The following ATAD5 variants were observed in gnomAD, a reference collection of about 807,000 sequenced individuals.
ATAD5 encodes ATPase family AAA domain containing 5.
A neutral mutation model predicts 176.9 loss-of-function variants in ATAD5; 58 were observed. The observed-to-expected ratio is 0.33, with a 90% confidence interval of 0.27 to 0.41. ATAD5 has a LOEUF of 0.41. Among genes scored for constraint, ATAD5 ranks in the 10% least tolerant of loss-of-function variants. ATAD5 has a pLI of 1.00. For missense variants in ATAD5, 1,789 were observed against 2,094.1 expected, an observed-to-expected ratio of 0.85 and a Z score of 2.84; for synonymous variants, 640 against 712.6, an observed-to-expected ratio of 0.90 and a Z score of 1.62.
chr17:30,889,193 C>A (rs550968594), intron 19 of ATAD5, among the ~76,000 whole-genome samples: 3 of 136,400 alleles, frequency 2.2e-5, no homozygotes, highest in Non-Finnish European at 4.6e-5. Context: ...GAGGTAGGGT[C>A]TCGCTATATT....
intron 2 of ATAD5, among the ~76,000 whole-genome samples, chr17:30,836,488 A>C (rs1905753249): frequency 6.6e-6 from 1 of 151,934 alleles, no homozygotes; most frequent in African/African-American, 2.4e-5. Flanking sequence ...TGGAAGAAAA[A>C]GAACAGAGCT....
At chr17:30,885,623 C>CTTTTTTTTTTTTTTT (rs778733612) in intron 18 of ATAD5, among the ~76,000 whole-genome samples, 2 of 93,812 alleles carry the variant, frequency 2.1e-5, no homozygotes, top group Admixed American at 1.4e-4. Flanking sequence ...TTCCAACTTT[C>CTTTTTTTTTTTTTTT]TTTTTTTTTT....
chr17:30,836,335 C>T (rs962678457), intron 2 of ATAD5, among the ~76,000 whole-genome samples: 1 of 151,852 alleles, frequency 6.6e-6, no homozygotes, highest in South Asian at 2.1e-4. Flanking sequence ...CCCGCCACCA[C>T]GCCCAGCTAA....
At chr17:30,838,777 C>T (rs1402226561) in intron 3 of ATAD5, among the ~76,000 whole-genome samples, 1 of 152,098 alleles carries the variant, frequency 6.6e-6, no homozygotes, top group African/African-American at 2.4e-5. Flanking sequence ...GTAAATTTTC[C>T]AGCAAGAGAA....
chr17:30,876,073 C>A (rs1254762086), intron 14 of ATAD5, among the ~76,000 whole-genome samples: 1 of 148,424 alleles, frequency 6.7e-6, no homozygotes, highest in Non-Finnish European at 1.5e-5. Context: ...GGAGGTGGAG[C>A]TTGTAGTGAG....
At chr17:30,882,030 TG>T (rs1411513921) in intron 18 of ATAD5, among the ~76,000 whole-genome samples, 1 of 151,798 alleles carries the variant, frequency 6.6e-6, no homozygotes, top group African/African-American at 2.4e-5. Context: ...GAGGCTGAGG[TG>T]GGCGGATCAC....
Position 30,858,217 on chromosome 17 carries a change from A to T in ATAD5, c.2850A>T (p.Glu950Asp), listed in dbSNP as rs1488275129. The stretch of plus-strand genomic sequence containing the variant: ...AAGTAAGAAATCTTTTGCTTGAGGA[A>T]ATTAGGTGGTCAAATCCTGAATTTT... ...TEEVRNLLLE[E>D]IRWSNPEFSL... The change falls in exon 9 of 23, where the codon GAA becomes GAT. Residue 950 changes from glutamate to aspartate, a missense_variant. Physicochemically the swap from Glu to Asp is conservative, Grantham distance 45. Coordinates refer to ENST00000321990, the MANE Select transcript of ATAD5 (RefSeq NM_024857.5). 1.9e-6 allele frequency: 3 copies of T among 1,595,220 alleles called. No individual in the cohort carries two copies. In the South Asian group the frequency reaches 3.5e-5, roughly 18 times the overall value.
At chr17:30,872,672 C>T (rs1299444027) in intron 14 of ATAD5, among the ~76,000 whole-genome samples, 1 of 151,826 alleles carries the variant, frequency 6.6e-6, no homozygotes, top group African/African-American at 2.4e-5. Flanking sequence ...CTTCCTGCCT[C>T]AGCCTCTTAA....
chr17:30,853,042 A>G (rs1208161947), intron 6 of ATAD5, among the ~76,000 whole-genome samples: 1 of 151,902 alleles, frequency 6.6e-6, no homozygotes, highest in African/African-American at 2.4e-5. Context: ...GGCGCCTGCC[A>G]CCACAGCCAG....
chr17:30,876,160 A>T (rs1450474269), intron 14 of ATAD5, among the ~76,000 whole-genome samples: 1 of 152,050 alleles, frequency 6.6e-6, no homozygotes, highest in Non-Finnish European at 1.5e-5. Flanking sequence ...AAAATAAAAT[A>T]AAATAAATAA....
intron 19 of ATAD5, among the ~76,000 whole-genome samples, chr17:30,889,867 TTTTTC>T (rs950963433): frequency 4.0e-5 from 6 of 150,774 alleles, no homozygotes; most frequent in Non-Finnish European, 7.4e-5. Flanking sequence ...TTCTTTTTCT[TTTTTC>T]TTTTCTTTTC....
At position 30,832,355 on chromosome 17, in the gene ATAD5, G is replaced by C. The variant is rs768732266; in HGVS notation, c.8G>C (p.Gly3Ala). The C allele has an allele frequency of 6.4e-7, 1 of 1,561,226 alleles. No individual in the cohort carries two copies. The highest frequency in any genetic ancestry group is 8.7e-7 in the Non-Finnish European group (1 of 1,152,586). Reference protein sequence around the residue: MVGVLAMAAAAAP... With the variant: MVAVLAMAAAAAP... ...TTCCGGGAAGCGGGGAGTATGGTGG[G>C]GGTCCTGGCCATGGCGGCTGCAGCT... The change falls in exon 1 of 23, where the codon GGG (glycine) becomes GCG (alanine). Residue 3 changes from glycine (G) to alanine (A), a missense_variant. By Grantham distance (60) the Gly-to-Ala change is moderately conservative. Coordinates refer to ENST00000321990, the MANE Select transcript of ATAD5 (RefSeq NM_024857.5).
intron 4 of ATAD5, among the ~76,000 whole-genome samples, chr17:30,843,582 G>A (rs1031911906): frequency 2.6e-5 from 4 of 151,498 alleles, no homozygotes; most frequent in East Asian, 1.9e-4. Context: ...CACGGGAGGC[G>A]GAGGTTGCAG....
At chr17:30,848,538 C>T (rs941781306) in intron 6 of ATAD5, among the ~76,000 whole-genome samples, 3 of 152,048 alleles carry the variant, frequency 2.0e-5, no homozygotes, top group African/African-American at 4.8e-5. Context: ...GGATTACAGG[C>T]GTGAGCCACA....
intron 9 of ATAD5, among the ~76,000 whole-genome samples, chr17:30,860,169 G>T (rs1907539786): frequency 6.6e-6 from 1 of 152,050 alleles, no homozygotes; most frequent in Non-Finnish European, 1.5e-5. Flanking sequence ...GACTACAGGT[G>T]CATGCCACCA....
intron 1 of ATAD5, among the ~76,000 whole-genome samples, chr17:30,833,325 A>G (rs929042076): frequency 6.6e-6 from 1 of 152,098 alleles, no homozygotes; most frequent in Non-Finnish European, 1.5e-5. Flanking sequence ...TTTCCGTTAC[A>G]GTTTCTGGTT....
intron 6 of ATAD5, among the ~76,000 whole-genome samples, chr17:30,850,855 ATATATATATATATATTTTTTT>A (rs1251976684): frequency 3.0e-5 from 1 of 33,788 alleles, no homozygotes; most frequent in African/African-American, 8.0e-5. Context: ...ATATATATAT[ATATATATATATATATTTTTTT>A]TTTTTTTTTT....
At chr17:30,850,845 ATATATATATATATATATATATATATTTT>A (rs1906861099) in intron 6 of ATAD5, among the ~76,000 whole-genome samples, 1 of 26,726 alleles carries the variant, frequency 3.7e-5, no homozygotes, top group Non-Finnish European at 7.6e-5. Context: ...ATATATATAT[ATATATATATATATATATATATATATTTT>A]TTTTTTTTTT....
At chr17:30,886,579 C>T (rs571318880) in intron 18 of ATAD5, among the ~76,000 whole-genome samples, 3 of 151,576 alleles carry the variant, frequency 2.0e-5, no homozygotes, top group African/African-American at 7.2e-5. Context: ...TGGTCTCAAA[C>T]TCCTGACCTC....
Sources: allele counts gnomAD v4.1 joint callset (sites outside exome capture counted in the v4.1 genomes callset), GRCh38; gene constraint gnomAD v4.1.1; transcripts MANE v1.5; gene names NCBI Gene and HGNC (gene_info 2026-07-23, HGNC 2026-07-21).